The following PRKG1 variants were observed in gnomAD, a reference collection of about 807,000 sequenced individuals.
PRKG1 encodes the protein cGMP-dependent protein kinase 1.
Under a neutral mutation model 88.1 loss-of-function variants are expected in PRKG1, and 35 were observed. The ratio of observed to expected loss-of-function variants is 0.40; its 90% CI spans 0.30 to 0.53. The LOEUF (loss-of-function observed/expected upper bound fraction) is 0.53, where lower values mean the gene tolerates loss of function less well. PRKG1 is among the 20% of genes least tolerant of loss of function. The pLI is 0.59. For missense variants in PRKG1, 540 were observed against 839.8 expected (o/e 0.64, Z 4.41); for synonymous variants, 303 against 292.5 (o/e 1.04, Z -0.37).
chr10:52,091,863 C>T (rs1847064458), intron 7 of PRKG1, among the ~76,000 whole-genome samples: 1 of 152,172 alleles, frequency 6.6e-6, no homozygotes, highest in African/African-American at 2.4e-5. Flanking sequence ...TGATATTCAT[C>T]CTCTGGTGCA....
At chr10:51,542,645 G>A (rs1362239950) in intron 3 of PRKG1, among the ~76,000 whole-genome samples, 2 of 140,454 alleles carry the variant, frequency 1.4e-5, no homozygotes, top group African/African-American at 5.2e-5. Flanking sequence ...TTTATGGTAA[G>A]TTTGTTTCCG....
chr10:51,271,921 G>T (rs147766626), intron 2 of PRKG1, among the ~76,000 whole-genome samples: 198 of 152,226 alleles, frequency 1.3e-3, no homozygotes, highest in African/African-American at 4.6e-3. Context: ...ATAATTCTTT[G>T]GGTGTATACC....
At chr10:51,003,322 T>C (rs1374887156) in intron 1 of PRKG1, among the ~76,000 whole-genome samples, 1 of 152,220 alleles carries the variant, frequency 6.6e-6, no homozygotes, top group African/African-American at 2.4e-5. Context: ...TCCCGAAGTA[T>C]AGCAGCAGGG....
chr10:52,123,637 A>C (rs1338888259), intron 7 of PRKG1, among the ~76,000 whole-genome samples: 4 of 152,128 alleles, frequency 2.6e-5, no homozygotes, highest in African/African-American at 9.7e-5. Context: ...TAATATATGA[A>C]TTCCTTATAA....
chr10:52,275,513 G>A (rs1474490586), intron 12 of PRKG1, among the ~76,000 whole-genome samples: 1 of 152,010 alleles, frequency 6.6e-6, no homozygotes. Context: ...TCATTTCTGG[G>A]TTCTCTATTC....
chr10:52,141,937 C>A (rs1431621079), intron 8 of PRKG1, among the ~76,000 whole-genome samples: 1 of 152,090 alleles, frequency 6.6e-6, no homozygotes, highest in Admixed American at 6.6e-5. Context: ...CACCCAAGGG[C>A]CATAGTTTTC....
intron 8 of PRKG1, among the ~76,000 whole-genome samples, chr10:52,137,193 G>T (rs1837450614): frequency 6.6e-6 from 1 of 152,000 alleles, no homozygotes; most frequent in African/African-American, 2.4e-5. Context: ...TCATTCCAGA[G>T]GGAGAGCAAA....
chr10:52,062,709 C>A, intron 7 of PRKG1, 78 bp downstream of exon 7: 1 of 1,038,092 alleles, frequency 9.6e-7, no homozygotes, highest in South Asian at 1.4e-5. Context: ...GCTCCTAGCA[C>A]AATAGGCTTT....
chr10:51,061,856 C>A (rs1843695673), intron 1 of PRKG1, among the ~76,000 whole-genome samples: 2 of 152,156 alleles, frequency 1.3e-5, no homozygotes, highest in African/African-American at 2.4e-5. Context: ...ACATTTGTAT[C>A]ACATTTCTGA....
chr10:52,002,789 G>T (rs953921039), intron 5 of PRKG1, among the ~76,000 whole-genome samples: 1 of 152,122 alleles, frequency 6.6e-6, no homozygotes, highest in South Asian at 2.1e-4. Flanking sequence ...AAGATCATCA[G>T]CAGCAGTTTT....
Position 51,553,793 on chromosome 10 carries a change from G to A in PRKG1, c.592+85957G>A, listed in dbSNP as rs911865734. ...TATAATATATGTATATATTAGATAC[G>A]TGTATATAATATATGTATGTATTAG... On this transcript the variant is annotated intron_variant, in intron 3 of 17. Coordinates refer to ENST00000373980, the MANE Select transcript of PRKG1 (RefSeq NM_006258.4). Among the ~76,000 whole-genome samples the A allele has an allele frequency of 4.9e-5, 6 of 122,450 alleles. 1 individual carries two copies. The highest frequency in any genetic ancestry group is 1.7e-4 in the African/African-American group (6 of 35,484). The allele number at this position is 122,450 out of a possible 152,430, so 80.3% of individuals were successfully genotyped here.
intron 1 of PRKG1, among the ~76,000 whole-genome samples, chr10:51,151,281 C>T (rs930675101): frequency 1.3e-5 from 2 of 151,928 alleles, no homozygotes; most frequent in African/African-American, 2.4e-5. Flanking sequence ...GAAGGTGCCA[C>T]TGCTATTCTT....
intron 3 of PRKG1, among the ~76,000 whole-genome samples, chr10:51,711,040 C>T (rs1796267668): frequency 6.6e-6 from 1 of 151,872 alleles, no homozygotes; most frequent in Admixed American, 6.6e-5. Context: ...TTACAATTCC[C>T]CTTTTGGGCT....
At chr10:51,647,934 A>G (rs1228472682) in intron 3 of PRKG1, among the ~76,000 whole-genome samples, 1 of 152,020 alleles carries the variant, frequency 6.6e-6, no homozygotes, top group Non-Finnish European at 1.5e-5. Context: ...TCCATGCCCT[A>G]TTTTCAACCA....
chr10:51,853,269 G>T (rs925820144), intron 4 of PRKG1, among the ~76,000 whole-genome samples: 1 of 152,114 alleles, frequency 6.6e-6, no homozygotes, highest in African/African-American at 2.4e-5. Context: ...ACTATTCTAA[G>T]TTGTGTACAA....
At chr10:51,601,775 C>A (rs1838613210) in intron 3 of PRKG1, among the ~76,000 whole-genome samples, 2 of 49,798 alleles carry the variant, frequency 4.0e-5, no homozygotes, top group African/African-American at 6.8e-5. Context: ...TTTTTGTAAG[C>A]TGAGCCATTT....
At position 52,295,328 on chromosome 10, in the gene PRKG1, A is replaced by AT. The variant is rs1344221834; in HGVS notation, c.*1435dup. 4 of 152,014 alleles carry AT rather than the reference A, an allele frequency of 2.6e-5. No individual in the cohort carries two copies. 9.4% of individuals were successfully genotyped at this position (152,014 alleles called of 1,614,324 possible). On this transcript the variant is annotated 3_prime_UTR_variant, in exon 18 of 18. Coordinates refer to ENST00000373980, the MANE Select transcript of PRKG1 (RefSeq NM_006258.4). ...CAGTACAGAGGAAAACAGGAACCTGATTTTTTTAAAATAAATTTTAAATAA... is the reference window on the plus strand; with the variant it reads ...CAGTACAGAGGAAAACAGGAACCTGATTTTTTTTAAAATAAATTTTAAATAA...
At chr10:51,153,613 G>A (rs1846132668) in intron 2 of PRKG1, among the ~76,000 whole-genome samples, 1 of 151,976 alleles carries the variant, frequency 6.6e-6, no homozygotes, top group Non-Finnish European at 1.5e-5. Flanking sequence ...TATTCTTCAT[G>A]CAGTCAGGTC....
At chr10:51,259,142 A>G (rs1297237388) in intron 2 of PRKG1, among the ~76,000 whole-genome samples, 1 of 152,206 alleles carries the variant, frequency 6.6e-6, no homozygotes, top group Admixed American at 6.5e-5. Flanking sequence ...ATTTTTGTAC[A>G]TGGGTGTGTT....
Sources: allele counts gnomAD v4.1 joint callset (sites outside exome capture counted in the v4.1 genomes callset), GRCh38; gene constraint gnomAD v4.1.1; transcripts MANE v1.5; gene names NCBI Gene and HGNC (gene_info 2026-07-23, HGNC 2026-07-21).